Variants in IGSF10 observed in about 807,000 individuals in gnomAD.
IGSF10 encodes the protein calvaria mechanical force protein 608.
A neutral mutation model predicts 128.2 loss-of-function variants in IGSF10; 126 were observed. That is an observed-to-expected ratio of 0.98 (90% CI 0.85 to 1.14). The LOEUF is 1.14. IGSF10 is among the 50% of genes most tolerant of loss of function. The pLI is 0.00. For missense variants in IGSF10, 3,295 were observed against 3,149.8 expected (o/e 1.05, Z -1.10); for synonymous variants, 1,185 against 1,146.2 (o/e 1.03, Z -0.68).
rs754872594 is a variant in IGSF10 at position 151,447,818 on chromosome 3, A to G, written c.2163T>C (p.Tyr721=). 3 of 1,614,022 alleles carry G rather than the reference A, an allele frequency of 1.9e-6. No individual in the cohort carries two copies. The highest frequency in any genetic ancestry group is 2.5e-6 in the Non-Finnish European group (3 of 1,179,998). ...CACGTCGCTGGAGTGTTAATTCCCGATAGTTGTGCCTCTTACTTGTGCTTG... is the reference window on the plus strand; with the variant it reads ...CACGTCGCTGGAGTGTTAATTCCCGGTAGTTGTGCCTCTTACTTGTGCTTG... The part of the protein sequence containing the change: ...HTSSTSKRHN[Y]RELTLQRRGD... Residue 721 remains tyrosine (Y), a synonymous_variant, in exon 6 of 8, where the codon TAT becomes TAC. Coordinates refer to ENST00000282466, the MANE Select transcript of IGSF10 (RefSeq NM_178822.5).
chr3:151,610,820 G>T, the IGSF10 span, among the ~76,000 whole-genome samples: 1 of 152,166 alleles, frequency 6.6e-6, no homozygotes, highest in African/African-American at 2.4e-5. Context: ...CAGAGAAAAT[G>T]GGAGCAAACT....
At chr3:151,570,239 G>C in the IGSF10 span, among the ~76,000 whole-genome samples, 6,486 of 152,058 alleles carry the variant, frequency 0.043, 213 homozygotes, top group African/African-American at 0.096. Flanking sequence ...TAATCCTTTG[G>C]GTATATACCC....
At chr3:151,567,137 A>C in the IGSF10 span, among the ~76,000 whole-genome samples, 1 of 152,224 alleles carries the variant, frequency 6.6e-6, no homozygotes, top group Admixed American at 6.5e-5. Context: ...GTCTGTGGAC[A>C]GTAGCCAATG....
chr3:151,573,117 T>G, the IGSF10 span, among the ~76,000 whole-genome samples: 1 of 152,148 alleles, frequency 6.6e-6, no homozygotes, highest in Non-Finnish European at 1.5e-5. Context: ...TTTCTGTTCT[T>G]TTATATTTGC....
Position 151,437,075 on chromosome 3 carries a change from C to CTTCT in IGSF10, c.7482_7485dup (p.Ala2496ArgfsTer6), listed in dbSNP as rs757939873. On this transcript the variant is annotated frameshift_variant, in exon 8 of 8. Coordinates refer to ENST00000282466, the MANE Select transcript of IGSF10 (RefSeq NM_178822.5). LOFTEE classifies it low-confidence loss of function (END_TRUNC). ...TAGTTTCCTCTGTCATAAGCTGTTGCTTCTTTAATGACTAAGGTGCCATTG... is the reference window on the plus strand; with the variant it reads ...TAGTTTCCTCTGTCATAAGCTGTTGCTTCTTTCTTTAATGACTAAGGTGCCATTG... 4.5e-5 allele frequency: 73 copies of CTTCT among 1,614,048 alleles called. No homozygotes were observed. The highest frequency in any genetic ancestry group is 5.6e-5 in the Non-Finnish European group (66 of 1,180,016).
the IGSF10 span, among the ~76,000 whole-genome samples, chr3:151,534,585 C>T: frequency 4.8e-5 from 7 of 144,628 alleles, no homozygotes; most frequent in South Asian, 4.3e-4. Context: ...TGTTCTCACT[C>T]GTAAGTGGGA....
chr3:151,606,789 G>A, the IGSF10 span, among the ~76,000 whole-genome samples: 2 of 152,134 alleles, frequency 1.3e-5, no homozygotes, highest in African/African-American at 2.4e-5. Flanking sequence ...CCTCCTGACT[G>A]GAGATCTGCA....
chr3:151,597,083 C>A, the IGSF10 span, among the ~76,000 whole-genome samples: 104 of 152,102 alleles, frequency 6.8e-4, 1 homozygote, highest in East Asian at 0.019. Context: ...ATTCTATCCT[C>A]CAAACACACG....
Position 151,438,341 on chromosome 3 carries a change from A to G in IGSF10, c.6220T>C (p.Leu2074=). ...GSPVPEISWS[L]PDGTMINNAM... ...TTGTTGATCATGGTTCCATCAGGCAAACTCCAAGATATCTCTGGCACTGGG... is the reference window on the plus strand; with the variant it reads ...TTGTTGATCATGGTTCCATCAGGCAGACTCCAAGATATCTCTGGCACTGGG... Residue 2074 remains leucine (L), a synonymous_variant, in exon 8 of 8, where the codon TTG becomes CTG. Coordinates refer to ENST00000282466, the MANE Select transcript of IGSF10 (RefSeq NM_178822.5). The G allele has an allele frequency of 6.2e-7, 1 of 1,614,190 alleles. No homozygotes were observed.
At chr3:151,456,050 A>G (rs936525692) in intron 4 of IGSF10, among the ~76,000 whole-genome samples, 2 of 152,218 alleles carry the variant, frequency 1.3e-5, no homozygotes, top group Admixed American at 6.5e-5. Flanking sequence ...CTCCAACTCA[A>G]TGTTCCTCAA....
the IGSF10 span, among the ~76,000 whole-genome samples, chr3:151,558,005 A>AATATATATTATATATATATATT: frequency 4.8e-4 from 19 of 39,540 alleles, no homozygotes; most frequent in African/African-American, 1.9e-3. Flanking sequence ...AAGTATATAT[A>AATATATATTATATATATATATT]ATATATATAT....
the IGSF10 span, among the ~76,000 whole-genome samples, chr3:151,578,286 A>G: frequency 6.6e-6 from 1 of 152,206 alleles, no homozygotes; most frequent in Non-Finnish European, 1.5e-5. Flanking sequence ...GCCAGATAGT[A>G]ATAGTAAATA....
rs201403882 is a variant in IGSF10 at position 151,460,733 on chromosome 3, G to GTT, written c.-89+211_-89+212dup. Reference sequence around the variant, plus strand: ...TATTGATTGTCTTTCCTCAGTGTGTGTTTTTTTTTTTTGCCTGGCACCAGT... The same window carrying GTT: ...TATTGATTGTCTTTCCTCAGTGTGTGTTTTTTTTTTTTTTGCCTGGCACCAGT... On this transcript the variant is annotated intron_variant, in intron 1 of 7. Coordinates refer to ENST00000282466, the MANE Select transcript of IGSF10 (RefSeq NM_178822.5). 6.8e-4 allele frequency among the ~76,000 whole-genome samples: 97 copies of GTT among 142,898 alleles called. 1 individual carries two copies. Among genetic ancestry groups the GTT allele is most frequent in the African/African-American group, 2.2e-3 (87 of 39,244 alleles). The allele number at this position is 142,898 out of a possible 152,430, so 93.7% of individuals were successfully genotyped here.
the IGSF10 span, among the ~76,000 whole-genome samples, chr3:151,538,277 A>G: frequency 1.3e-5 from 2 of 152,180 alleles, no homozygotes; most frequent in African/African-American, 4.8e-5. Flanking sequence ...GAAGTTCATT[A>G]TTGCCCACTC....
At chr3:151,521,473 C>T in the IGSF10 span, among the ~76,000 whole-genome samples, 1 of 151,980 alleles carries the variant, frequency 6.6e-6, no homozygotes, top group East Asian at 1.9e-4. Context: ...AAACAATCCT[C>T]AGCAAATGCA....
At chr3:151,480,613 A>G in the IGSF10 span, among the ~76,000 whole-genome samples, 1,265 of 152,000 alleles carry the variant, frequency 8.3e-3, 17 homozygotes, top group African/African-American at 0.029. Context: ...CATTGCATCT[A>G]TCTATCCCTG....
chr3:151,570,722 G>C, the IGSF10 span, among the ~76,000 whole-genome samples: 1 of 152,324 alleles, frequency 6.6e-6, no homozygotes, highest in Admixed American at 6.5e-5. Flanking sequence ...TTGCTGTGCA[G>C]AAGCTCTTTA....
At chr3:151,604,480 C>G in the IGSF10 span, among the ~76,000 whole-genome samples, 2 of 151,584 alleles carry the variant, frequency 1.3e-5, no homozygotes, top group African/African-American at 4.8e-5. Context: ...GCCTTTCTAC[C>G]TTCAGCAAGA....
the IGSF10 span, among the ~76,000 whole-genome samples, chr3:151,510,895 A>G: frequency 1.3e-5 from 2 of 152,180 alleles, no homozygotes; most frequent in African/African-American, 4.8e-5. Context: ...GAAATGAAGC[A>G]TGAAGAGAAG....
Sources: allele counts gnomAD v4.1 joint callset (sites outside exome capture counted in the v4.1 genomes callset), GRCh38; gene constraint gnomAD v4.1.1; transcripts MANE v1.5; gene names NCBI Gene and HGNC (gene_info 2026-07-23, HGNC 2026-07-21).